SRPK2: variants seen among roughly 807,000 people sequenced by gnomAD.
SRPK2 encodes the protein SRSF protein kinase 2, also known as SFRS protein kinase 2.
SRPK2 carries 21 observed loss-of-function variants against 90.8 expected under a neutral mutation model. The ratio of observed to expected loss-of-function variants is 0.23; its 90% confidence interval spans 0.16 to 0.33. The LOEUF is 0.33. Among genes scored for constraint, SRPK2 ranks in the 10% least tolerant of loss-of-function variants. The pLI, the probability that SRPK2 is intolerant of heterozygous loss-of-function variation, is 1.00. For synonymous variants in SRPK2, 288 were observed against 311.1 expected (o/e 0.93, Z 0.78); for missense variants, 620 against 869.0 (o/e 0.71, Z 3.60).
chr7:105,268,685 C>T, intron 2 of SRPK2: 2 of 1,147,918 alleles, frequency 1.7e-6, no homozygotes, highest in Non-Finnish European at 2.4e-6. Flanking sequence ...CAATACAGCA[C>T]AATACCAGCA....
chr7:105,291,800 A>G (rs373599090), intron 2 of SRPK2, among the ~76,000 whole-genome samples: 1 of 152,300 alleles, frequency 6.6e-6, no homozygotes, highest in African/African-American at 2.4e-5. Context: ...GTAAAGCGAG[A>G]GGAAAAATTA....
At chr7:105,299,089 G>C (rs532199783) in intron 2 of SRPK2, among the ~76,000 whole-genome samples, 20 of 152,264 alleles carry the variant, frequency 1.3e-4, no homozygotes, top group Non-Finnish European at 2.2e-4. Context: ...AACAGGACTG[G>C]CTGCCCAGTG....
chr7:105,245,495 G>A (rs1801523265), intron 2 of SRPK2, among the ~76,000 whole-genome samples: 1 of 152,122 alleles, frequency 6.6e-6, no homozygotes, highest in South Asian at 2.1e-4. Context: ...ATAATTCTGG[G>A]GATGATGCAA....
chr7:105,207,329 G>A (rs1398485778), intron 2 of SRPK2, among the ~76,000 whole-genome samples: 1 of 152,114 alleles, frequency 6.6e-6, no homozygotes, highest in Non-Finnish European at 1.5e-5. Flanking sequence ...AGTGGTTTCT[G>A]ATGGCTTCTA....
chr7:105,244,898 C>A (rs1801386126), intron 2 of SRPK2: 3 of 1,466,442 alleles, frequency 2.0e-6, no homozygotes, highest in South Asian at 2.3e-5. Flanking sequence ...CGCACATCCG[C>A]GCCAAGAGGA....
intron 2 of SRPK2, among the ~76,000 whole-genome samples, chr7:105,365,522 A>G (rs1002188957): frequency 2.7e-5 from 4 of 146,514 alleles, no homozygotes; most frequent in Non-Finnish European, 6.0e-5. Context: ...ATATATATAT[A>G]TATATTTAGG....
intron 2 of SRPK2, among the ~76,000 whole-genome samples, chr7:105,359,297 TG>T (rs1818166447): frequency 6.6e-6 from 1 of 151,898 alleles, no homozygotes. Context: ...TAGCTGGGAT[TG>T]CAAGCGCATG....
At chr7:105,137,498 T>C (rs1007893447) in intron 11 of SRPK2, among the ~76,000 whole-genome samples, 7 of 152,098 alleles carry the variant, frequency 4.6e-5, no homozygotes, top group African/African-American at 1.7e-4. Flanking sequence ...AACAGTAGCC[T>C]AGCAAGGACT....
At chr7:105,259,984 T>G (rs1372579969) in intron 2 of SRPK2, among the ~76,000 whole-genome samples, 15 of 152,156 alleles carry the variant, frequency 9.9e-5, no homozygotes, top group Admixed American at 6.5e-5. Flanking sequence ...GGGCAAAGAC[T>G]TCACGACTAA....
upstream of SRPK2, chr7:105,388,975 T>TCCGGCC (rs1327770083): frequency 1.4e-5 from 14 of 1,031,222 alleles, no homozygotes; most frequent in African/African-American, 1.1e-4. Context: ...CCCGCCCCCG[T>TCCGGCC]CCGGCCCCGC....
At chr7:105,317,305 T>A (rs1473926557) in intron 2 of SRPK2, among the ~76,000 whole-genome samples, 1 of 152,224 alleles carries the variant, frequency 6.6e-6, no homozygotes, top group Admixed American at 6.5e-5. Context: ...GCCAGGTTCA[T>A]GTAAGGATGT....
intron 6 of SRPK2, among the ~76,000 whole-genome samples, chr7:105,161,249 T>C (rs1048866243): frequency 6.6e-6 from 1 of 152,186 alleles, no homozygotes; most frequent in African/African-American, 2.4e-5. Context: ...AAATCATGTC[T>C]AGATTACTTA....
intron 4 of SRPK2, 24 bp from the exon 5 acceptor site, chr7:105,168,119 G>C (rs1453591522): frequency 1.3e-6 from 2 of 1,558,556 alleles, no homozygotes; most frequent in Non-Finnish European, 1.8e-6. Context: ...CAAAAAAAGA[G>C]TCTATTTATC....
chr7:105,310,280 A>G lies in SRPK2; in HGVS notation c.71+78368T>C, dbSNP rs77792374. ...AAACATAGGTAGCAGATAAAACCAT[A>G]ATAATGGATCACACATCAGTGCACA... is the stretch of plus-strand genomic sequence containing the variant. On this transcript the variant is annotated intron_variant, in intron 2 of 15. Coordinates refer to ENST00000393651, the MANE Select transcript of SRPK2 (RefSeq NM_182692.3). 5.1e-3 allele frequency among the ~76,000 whole-genome samples: 779 copies of G among 152,348 alleles called. 12 individuals are homozygous for G. In the East Asian group the frequency reaches 0.055, roughly 11 times the overall value.
chr7:105,293,221 C>G (rs1469065059), intron 2 of SRPK2, among the ~76,000 whole-genome samples: 1 of 151,846 alleles, frequency 6.6e-6, no homozygotes, highest in African/African-American at 2.4e-5. Context: ...CTGCTTGAAC[C>G]AGGGAGGTGG....
chr7:105,118,439 G>C (rs1025727287), intron 15 of SRPK2, among the ~76,000 whole-genome samples: 7 of 152,116 alleles, frequency 4.6e-5, no homozygotes, highest in Admixed American at 3.3e-4. Context: ...TAAGATCTAA[G>C]ATCCTAGGAC....
chr7:105,203,496 C>G (rs1795817118), intron 3 of SRPK2, 132 bp downstream of exon 3: 2 of 953,482 alleles, frequency 2.1e-6, no homozygotes, highest in Non-Finnish European at 2.9e-6. Flanking sequence ...ATGATAATGA[C>G]ACAAGGAGGC....
At chr7:105,327,643 T>G (rs1355563393) in intron 2 of SRPK2, among the ~76,000 whole-genome samples, 1 of 152,176 alleles carries the variant, frequency 6.6e-6, no homozygotes, top group Admixed American at 6.5e-5. Flanking sequence ...TGCTGAAGGG[T>G]GAGGCCCACA....
At chr7:105,133,817 G>A (rs1802387592) in intron 11 of SRPK2, among the ~76,000 whole-genome samples, 1 of 152,188 alleles carries the variant, frequency 6.6e-6, no homozygotes, top group Non-Finnish European at 1.5e-5. Context: ...ATGTACATGA[G>A]CAGTCATTCT....
Sources: allele counts gnomAD v4.1 joint callset (sites outside exome capture counted in the v4.1 genomes callset), GRCh38; gene constraint gnomAD v4.1.1; transcripts MANE v1.5; gene names NCBI Gene and HGNC (gene_info 2026-07-23, HGNC 2026-07-21).